Variants in GSG1L observed in about 807,000 individuals in gnomAD.
GSG1L encodes germ cell-specific gene 1-like protein.
A neutral mutation model predicts 42.1 loss-of-function variants in GSG1L; 24 were observed. The observed-to-expected ratio is 0.57, with a 90% CI of 0.41 to 0.80. The LOEUF (loss-of-function observed/expected upper bound fraction) is 0.80, where lower values mean the gene tolerates loss of function less well. GSG1L is among the 30% of genes least tolerant of loss of function. GSG1L has a pLI of 0.00. For synonymous variants in GSG1L, 215 were observed against 203.5 expected, an observed-to-expected ratio of 1.06 and a Z score of -0.48; for missense variants, 445 against 472.2, an observed-to-expected ratio of 0.94 and a Z score of 0.53.
intron 1 of GSG1L, among the ~76,000 whole-genome samples, chr16:27,983,969 T>C (rs755439728): frequency 6.6e-6 from 1 of 152,150 alleles, no homozygotes; most frequent in Non-Finnish European, 1.5e-5. Flanking sequence ...TAACCCCTGA[T>C]AGAGAAACAA....
At chr16:27,878,100 T>G (rs373803394) in intron 3 of GSG1L, among the ~76,000 whole-genome samples, 18 of 152,106 alleles carry the variant, frequency 1.2e-4, no homozygotes, top group African/African-American at 4.1e-4. Flanking sequence ...TGTTCTGTTG[T>G]CCAGGCTGGA....
At chr16:27,800,074 C>T (rs941736721) in intron 6 of GSG1L, among the ~76,000 whole-genome samples, 3 of 152,150 alleles carry the variant, frequency 2.0e-5, no homozygotes, top group Non-Finnish European at 2.9e-5. Flanking sequence ...GTCTCTGATG[C>T]TCCTGTTGGC....
intron 1 of GSG1L, among the ~76,000 whole-genome samples, chr16:28,046,310 T>C (rs1462805515): frequency 6.8e-6 from 1 of 146,662 alleles, no homozygotes; most frequent in Non-Finnish European, 1.5e-5. Flanking sequence ...CACTGGGGAG[T>C]GTGCCACATG....
At chr16:27,870,235 C>T (rs896847972) in intron 3 of GSG1L, among the ~76,000 whole-genome samples, 1 of 148,452 alleles carries the variant, frequency 6.7e-6, no homozygotes, top group Non-Finnish European at 1.5e-5. Flanking sequence ...CTCTGTCTCT[C>T]TCCATCTCTC....
chr16:27,957,694 A>G (rs1411898881), intron 2 of GSG1L, among the ~76,000 whole-genome samples: 4 of 152,244 alleles, frequency 2.6e-5, no homozygotes, highest in Non-Finnish European at 5.9e-5. Context: ...ACACATGTCA[A>G]TATACGTGAT....
At chr16:27,917,344 A>C (rs1273816633) in intron 2 of GSG1L, among the ~76,000 whole-genome samples, 3 of 151,798 alleles carry the variant, frequency 2.0e-5, no homozygotes, top group Non-Finnish European at 4.4e-5. Flanking sequence ...CTCTACAATC[A>C]AGAAAGTGCT....
At chr16:27,850,756 T>G (rs1462876058) in intron 3 of GSG1L, 3 of 343,582 alleles carry the variant, frequency 8.7e-6, no homozygotes, top group Non-Finnish European at 1.7e-5. Context: ...TTTTATTTAT[T>G]TAAAAATATA....
intron 3 of GSG1L, among the ~76,000 whole-genome samples, chr16:27,879,231 A>T (rs2083922820): frequency 6.6e-6 from 1 of 152,182 alleles, no homozygotes; most frequent in African/African-American, 2.4e-5. Flanking sequence ...ATAATGAATG[A>T]ATGAATTATA....
intron 1 of GSG1L, among the ~76,000 whole-genome samples, chr16:28,049,701 A>G: frequency 6.8e-6 from 1 of 147,942 alleles, no homozygotes; most frequent in East Asian, 2.0e-4. Flanking sequence ...AAAAAAAAAA[A>G]GAAGAAGAAG....
In GSG1L at chr16:27,825,706, G is replaced by A. The variant is rs142075984; in HGVS notation, c.830+3083C>T. 3.1e-3 allele frequency among the ~76,000 whole-genome samples: 478 copies of A among 152,150 alleles called. 3 individuals carry two copies. Among genetic ancestry groups the A allele is most frequent in the African/African-American group, 0.011 (459 of 41,492 alleles). Reference sequence around the variant, plus strand: ...ATTGGAGTTCCCATAATCCTCATCTGTCATTGGAGGGATCCAGTGGGAGGT... The same window carrying A: ...ATTGGAGTTCCCATAATCCTCATCTATCATTGGAGGGATCCAGTGGGAGGT... On this transcript the variant is annotated intron_variant, in intron 5 of 6. Transcript: ENST00000447459.
At chr16:27,826,436 C>T (rs963348050) in intron 5 of GSG1L, among the ~76,000 whole-genome samples, 6 of 152,210 alleles carry the variant, frequency 3.9e-5, no homozygotes, top group Non-Finnish European at 5.9e-5. Context: ...GTGATGCCTT[C>T]CTGCCACTGA....
intron 2 of GSG1L, among the ~76,000 whole-genome samples, chr16:27,947,585 G>GAAAGAA (rs1215331885): frequency 6.7e-5 from 7 of 104,324 alleles, no homozygotes; most frequent in Admixed American, 5.2e-4. Context: ...AAGAAAGAAA[G>GAAAGAA]AAAGAAAGAA....
intron 1 of GSG1L, among the ~76,000 whole-genome samples, chr16:28,010,449 G>C (rs1241317644): frequency 1.3e-5 from 2 of 152,178 alleles, no homozygotes; most frequent in Non-Finnish European, 2.9e-5. Context: ...GGCCCCCTCT[G>C]ATTGCTGCAG....
At chr16:27,940,785 A>G (rs1331724722) in intron 2 of GSG1L, among the ~76,000 whole-genome samples, 2 of 151,020 alleles carry the variant, frequency 1.3e-5, no homozygotes, top group Middle Eastern at 3.4e-3. Flanking sequence ...GCACACCAGC[A>G]TGGCACATGT....
intron 2 of GSG1L, among the ~76,000 whole-genome samples, chr16:27,961,451 C>T (rs139543036): frequency 2.9e-4 from 44 of 152,068 alleles, no homozygotes; most frequent in South Asian, 1.9e-3. Flanking sequence ...AGGTGTGAAG[C>T]GCAGGCCTGG....
intron 5 of GSG1L, among the ~76,000 whole-genome samples, chr16:27,818,569 G>C (rs552958750): frequency 6.6e-6 from 1 of 152,044 alleles, no homozygotes; most frequent in Non-Finnish European, 1.5e-5. Flanking sequence ...GGATGAGATG[G>C]AGCTGTGATT....
chr16:27,908,539 T>G lies in GSG1L; in HGVS notation c.398-23901A>C, dbSNP rs528451766. Among the ~76,000 whole-genome samples the G allele has an allele frequency of 3.9e-5, 6 of 152,282 alleles. No homozygotes were observed. The East Asian group carries it at 1.2e-3, about 29-fold the overall frequency. On this transcript the variant is annotated intron_variant, in intron 2 of 6. Transcript: ENST00000447459. ...CAGAATACCAGAGACTGGGTAATTT[T>G]TAAAAAACAGAAATTTACTTCTCAC... is the stretch of plus-strand genomic sequence containing the variant.
chr16:27,876,686 G>A (rs1179276540), intron 3 of GSG1L, among the ~76,000 whole-genome samples: 2 of 152,094 alleles, frequency 1.3e-5, no homozygotes, highest in Admixed American at 6.5e-5. Context: ...GGTATGCTTT[G>A]CCCCTTGGCC....
chr16:27,804,026 A>AT (rs1461342825), intron 6 of GSG1L, among the ~76,000 whole-genome samples: 3 of 95,414 alleles, frequency 3.1e-5, no homozygotes, highest in Non-Finnish European at 6.5e-5. Context: ...GGATGAATAG[A>AT]TAGATTAGAT....
Sources: allele counts gnomAD v4.1 joint callset (sites outside exome capture counted in the v4.1 genomes callset), GRCh38; gene constraint gnomAD v4.1.1; transcripts MANE v1.5; gene names NCBI Gene and HGNC (gene_info 2026-07-23, HGNC 2026-07-21).